The following AKAP12 variants were observed in gnomAD, a reference collection of about 807,000 sequenced individuals.
The protein encoded by AKAP12 is A-kinase anchoring protein 12.
AKAP12 carries 32 observed loss-of-function variants against 79.9 expected under a neutral mutation model. The ratio of observed to expected loss-of-function variants is 0.40; its 90% CI spans 0.30 to 0.54. The LOEUF (loss-of-function observed/expected upper bound fraction) is 0.54, where lower values mean the gene tolerates loss of function less well. AKAP12 is among the 20% of genes least tolerant of loss of function. The pLI, the probability that AKAP12 is intolerant of heterozygous loss-of-function variation, is 0.48. For missense variants in AKAP12, 2,074 were observed against 2,177.0 expected, an observed-to-expected ratio of 0.95 and a Z score of 0.94; for synonymous variants, 808 against 857.0, an observed-to-expected ratio of 0.94 and a Z score of 1.00.
At chr6:151,247,362 C>T (rs1797095102) in intron 2 of AKAP12, among the ~76,000 whole-genome samples, 1 of 152,062 alleles carries the variant, frequency 6.6e-6, no homozygotes, top group Non-Finnish European at 1.5e-5. Context: ...GATCATGCTA[C>T]TGCACTACAG....
intron 2 of AKAP12, among the ~76,000 whole-genome samples, chr6:151,256,192 A>C (rs997494764): frequency 3.3e-5 from 5 of 152,212 alleles, no homozygotes; most frequent in African/African-American, 1.2e-4. Context: ...TGATTGAAAA[A>C]TAGTCTAGGA....
At chr6:151,313,956 A>T (rs191433437) in intron 3 of AKAP12, among the ~76,000 whole-genome samples, 1 of 152,132 alleles carries the variant, frequency 6.6e-6, no homozygotes, top group Admixed American at 6.5e-5. Context: ...CACCCAAGCG[A>T]CCTGAAGCAG....
intron 2 of AKAP12, among the ~76,000 whole-genome samples, chr6:151,259,049 A>G (rs986962696): frequency 1.6e-4 from 23 of 146,912 alleles, no homozygotes; most frequent in Admixed American, 9.7e-4. Context: ...ATATGTGTGT[A>G]TATATATATA....
intron 3 of AKAP12, among the ~76,000 whole-genome samples, chr6:151,342,704 C>T (rs1376567980): frequency 6.6e-6 from 1 of 152,228 alleles, no homozygotes; most frequent in African/African-American, 2.4e-5. Flanking sequence ...ACTCATAACT[C>T]ACTTACTCTA....
intron 3 of AKAP12, chr6:151,348,416 G>GAGC (rs1778169888): frequency 1.9e-6 from 1 of 526,850 alleles, no homozygotes. Flanking sequence ...AGACAGGAGG[G>GAGC]TCACTTGAGC....
intron 2 of AKAP12, among the ~76,000 whole-genome samples, chr6:151,270,223 ATTT>A (rs1422815220): frequency 6.6e-6 from 1 of 151,964 alleles, no homozygotes; most frequent in Non-Finnish European, 1.5e-5. Context: ...CGCTGGGCTA[ATTT>A]TTTGTATTTT....
chr6:151,332,332 G>A (rs966052393), intron 3 of AKAP12, among the ~76,000 whole-genome samples: 3 of 152,076 alleles, frequency 2.0e-5, no homozygotes, highest in Admixed American at 6.6e-5. Context: ...CACCGCGCCC[G>A]GCCCAGCCCT....
chr6:151,245,425 C>T (rs1296265105), intron 2 of AKAP12, among the ~76,000 whole-genome samples: 2 of 151,614 alleles, frequency 1.3e-5, no homozygotes, highest in African/African-American at 2.4e-5. Context: ...CTTTCCGAGT[C>T]GCTGGGATTA....
In AKAP12 at chr6:151,303,830, A is replaced by G. The variant is rs112804103; in HGVS notation, c.163-1917A>G. 2.8e-3 allele frequency among the ~76,000 whole-genome samples: 427 copies of G among 152,300 alleles called. 3 individuals are homozygous for G. Among genetic ancestry groups the G allele is most frequent in the African/African-American group, 9.7e-3 (402 of 41,574 alleles). Reference sequence around the variant, plus strand: ...ACAGGACCTTCAAAACATGGCACCTATCTTTATAATTGTGTGTAGTAACAG... The same window carrying G: ...ACAGGACCTTCAAAACATGGCACCTGTCTTTATAATTGTGTGTAGTAACAG... On this transcript the variant is annotated intron_variant, in intron 2 of 4. Transcript: ENST00000402676.
chr6:151,347,075 T>A (rs2114819046), intron 3 of AKAP12, among the ~76,000 whole-genome samples: 1 of 152,352 alleles, frequency 6.6e-6, no homozygotes, highest in East Asian at 1.9e-4. Flanking sequence ...ACATTGCACA[T>A]GAACACCCAA....
At chr6:151,262,111 G>A (rs1204759212) in intron 2 of AKAP12, among the ~76,000 whole-genome samples, 2 of 151,948 alleles carry the variant, frequency 1.3e-5, no homozygotes, top group Admixed American at 1.3e-4. Context: ...CACCATGCCC[G>A]GCTAATTTTT....
chr6:151,258,029 T>A (rs1050355669), intron 2 of AKAP12, among the ~76,000 whole-genome samples: 1 of 152,244 alleles, frequency 6.6e-6, no homozygotes, highest in African/African-American at 2.4e-5. Flanking sequence ...CGTAATTGCA[T>A]GTGGAGCTAA....
At chr6:151,287,100 C>T (rs2786750) in intron 2 of AKAP12, among the ~76,000 whole-genome samples, 73,330 of 151,374 alleles carry the variant, frequency 0.48, 19,084 homozygotes, top group East Asian at 0.89. Flanking sequence ...CCACCATGCC[C>T]GGCTAATTTT....
chr6:151,334,572 G>A (rs1035512155), intron 3 of AKAP12, among the ~76,000 whole-genome samples: 1 of 151,380 alleles, frequency 6.6e-6, no homozygotes, highest in African/African-American at 2.4e-5. Context: ...TCCAGCCTGG[G>A]CGACAGAGCA....
intron 3 of AKAP12, among the ~76,000 whole-genome samples, chr6:151,340,620 ATAG>A (rs1169177947): frequency 3.7e-5 from 2 of 53,674 alleles, no homozygotes; most frequent in African/African-American, 4.6e-4. Flanking sequence ...AACTTGACTG[ATAG>A]CCTCATGGGC....
intron 2 of AKAP12, among the ~76,000 whole-genome samples, chr6:151,259,555 G>T (rs1797378488): frequency 7.8e-6 from 1 of 127,668 alleles, no homozygotes; most frequent in South Asian, 2.5e-4. Context: ...CGTTTAATAT[G>T]CCCACTTATT....
intron 2 of AKAP12, among the ~76,000 whole-genome samples, chr6:151,241,255 G>A (rs1194026969): frequency 1.3e-5 from 2 of 152,242 alleles, no homozygotes; most frequent in African/African-American, 4.8e-5. Flanking sequence ...TTGGTACCCA[G>A]TCCTCCTGCG....
At chr6:151,297,572 C>CAA (rs3029353) in intron 2 of AKAP12, among the ~76,000 whole-genome samples, 8 of 122,422 alleles carry the variant, frequency 6.5e-5, no homozygotes, top group African/African-American at 2.1e-4. Context: ...GAGTTCGTCT[C>CAA]AAAAAAAAAA....
chr6:151,307,854 G>T (rs1228408807), intron 3 of AKAP12, among the ~76,000 whole-genome samples: 1 of 152,074 alleles, frequency 6.6e-6, no homozygotes, highest in Admixed American at 6.6e-5. Flanking sequence ...AGGAAGGGTG[G>T]TGATTTTTAT....
Sources: gnomAD v4.1 joint callset for allele counts (sites outside exome capture counted in the v4.1 genomes callset) on GRCh38, gnomAD v4.1.1 for gene constraint, MANE v1.5 for transcripts, NCBI Gene and HGNC (gene_info 2026-07-23, HGNC 2026-07-21) for gene names.